Variants in CPAMD8 observed in about 807,000 individuals in gnomAD.
CPAMD8 encodes the protein C3 and PZP like alpha-2-macroglobulin domain containing 8, also known as C3 and PZP-like alpha-2-macroglobulin domain-containing protein 8.
In CPAMD8, 146 loss-of-function variants were observed where a neutral mutation model predicts 224.7. That is an observed-to-expected ratio of 0.65 (90% CI 0.57 to 0.75). The LOEUF (loss-of-function observed/expected upper bound fraction) is 0.75. Ranked by LOEUF, CPAMD8 falls within the 30% of genes least tolerant of loss-of-function variation. The pLI is 0.00. For synonymous variants in CPAMD8, 966 were observed against 1,044.6 expected, an observed-to-expected ratio of 0.92 and a Z score of 1.45; for missense variants, 2,301 against 2,537.5, an observed-to-expected ratio of 0.91 and a Z score of 2.00.
At position 16,903,636 on chromosome 19, in the gene CPAMD8, G is replaced by A. The variant is rs1385961748; in HGVS notation, c.4408-13C>T. The A allele has an allele frequency of 2.9e-5, 47 of 1,613,998 alleles. No individual in the cohort carries two copies. The highest frequency in any genetic ancestry group is 1.2e-4 in the Admixed American group (7 of 60,000). ...GGAGGCTGGGGATCTGGAGACAGAA[G>A]TCACCGTGAGGCCCTGCTGACCCCT... is the stretch of plus-strand genomic sequence containing the variant. On this transcript the variant is annotated splice_polypyrimidine_tract_variant and intron_variant, in intron 33 of 41. Transcript: ENST00000443236.
At chr19:17,001,057 T>C (rs11669570) in intron 9 of CPAMD8, among the ~76,000 whole-genome samples, 26,495 of 151,814 alleles carry the variant, frequency 0.17, 2,455 homozygotes, top group African/African-American at 0.24. Context: ...CATGGTGGCT[T>C]ATGCCTGTAA....
intron 3 of CPAMD8, among the ~76,000 whole-genome samples, chr19:17,013,162 CAA>C (rs2056709274): frequency 1.3e-5 from 2 of 151,516 alleles, no homozygotes; most frequent in African/African-American, 4.9e-5. Flanking sequence ...ACCTGGGTGA[CAA>C]GAGTGAAACT....
At chr19:17,010,985 T>C (rs924682909) in intron 5 of CPAMD8, among the ~76,000 whole-genome samples, 1 of 151,132 alleles carries the variant, frequency 6.6e-6, no homozygotes, top group Admixed American at 6.6e-5. Flanking sequence ...ATCGCACCAC[T>C]GCACTTCAGC....
chr19:16,987,170 AAAAAAAAAAATAT>A (rs1425157216), intron 13 of CPAMD8, among the ~76,000 whole-genome samples: 4 of 104,766 alleles, frequency 3.8e-5, no homozygotes, highest in African/African-American at 1.7e-4. Context: ...AAAAAAAAAA[AAAAAAAAAAATAT>A]ATATATATAT....
At chr19:17,022,568 G>A (rs898135943) in intron 1 of CPAMD8, among the ~76,000 whole-genome samples, 10 of 150,794 alleles carry the variant, frequency 6.6e-5, no homozygotes, top group Admixed American at 6.0e-4. Flanking sequence ...GCATGATCTC[G>A]GCTCACTACA....
At chr19:16,964,679 C>CA (rs2054767486) in intron 18 of CPAMD8, among the ~76,000 whole-genome samples, 3 of 152,186 alleles carry the variant, frequency 2.0e-5, no homozygotes, top group Non-Finnish European at 4.4e-5. Context: ...TCCTCCCTAA[C>CA]TCATTTTATG....
intron 30 of CPAMD8, among the ~76,000 whole-genome samples, chr19:16,906,410 C>CT (rs1391335340): frequency 4.0e-5 from 3 of 74,316 alleles, no homozygotes; most frequent in African/African-American, 1.6e-4. Flanking sequence ...TTCTTTCTTT[C>CT]CTTCCTTCCT....
chr19:17,009,318 C>T lies in CPAMD8; in HGVS notation c.489G>A (p.Leu163=). The T allele has an allele frequency of 6.2e-7, 1 of 1,614,116 alleles. No individual in the cohort carries two copies. Among genetic ancestry groups the T allele is most frequent in the Non-Finnish European group, 8.5e-7 (1 of 1,179,990 alleles). ...SPNLRPVNEK[L]EAYILDPRGS... is the part of the protein sequence containing the mutation. ...GGCCACTCACCAGGATGTAGGCTTC[C>T]AGCTGTAATGAAGACACAGATGCAG... The change falls in exon 6 of 42, where the codon CTG becomes CTA. Residue 163 remains leucine, a splice_region_variant and synonymous_variant. Coordinates refer to ENST00000443236, the MANE Select transcript of CPAMD8 (RefSeq NM_015692.5).
rs1010769787 is a variant in CPAMD8 at position 16,990,885 on chromosome 19, A to G, written c.1267-1114T>C. On this transcript the variant is annotated intron_variant, in intron 12 of 41. Transcript: ENST00000443236. ...TCTCAAAAAAAAAAAAAAAAAAAAA[A>G]AAAAAAAGTTGGCCTGCCTCTGTCT... 3.3e-5 allele frequency among the ~76,000 whole-genome samples: 4 copies of G among 119,740 alleles called. 1 individual carries two copies. Among genetic ancestry groups the G allele is most frequent in the African/African-American group, 5.8e-5 (2 of 34,280 alleles). 78.6% of individuals were successfully genotyped at this position (119,740 alleles called of 152,430 possible).
In CPAMD8 at chr19:16,929,080, C is replaced by CA. The variant is rs1568487061; in HGVS notation, c.3005dup (p.His1005AlafsTer30). On this transcript the variant is annotated frameshift_variant, in exon 24 of 42. Transcript: ENST00000443236. LOFTEE classifies it high-confidence loss of function. The stretch of plus-strand genomic sequence containing the variant: ...ATGACCTGGTGTTCTGATGCCCCCC[C>CA]AGGACGATCTCGATCATGCCTGCTG... The CA allele has an allele frequency of 6.2e-7, 1 of 1,614,164 alleles. No homozygotes were observed. The highest frequency in any genetic ancestry group is 2.2e-5 in the East Asian group (1 of 44,890).
intron 34 of CPAMD8, 59 bp from the exon 35 acceptor site, chr19:16,902,922 G>T: frequency 9.0e-7 from 1 of 1,105,170 alleles, no homozygotes; most frequent in Non-Finnish European, 1.3e-6. Flanking sequence ...CAGGTGCAGG[G>T]TAGGGGAGGA....
intron 34 of CPAMD8, 62 bp downstream of exon 34, chr19:16,903,499 T>A (rs185936874): frequency 6.2e-7 from 1 of 1,608,960 alleles, no homozygotes; most frequent in East Asian, 2.2e-5. Flanking sequence ...CACTGTGTGA[T>A]TGGAGGGAAT....
At position 16,947,113 on chromosome 19, in the gene CPAMD8, C is replaced by A. The variant is rs199613595; in HGVS notation, c.2623G>T (p.Val875Phe). ...APGEAEPIWVVLSFSDLGLNN... is the reference protein window; with the variant it reads ...APGEAEPIWVFLSFSDLGLNN... Reference sequence around the variant, plus strand: ...AGTCCCAGGTCGCTGAAGGACAGAACGACCCAGATGGGCTCAGCCTCCCCG... The same window carrying A: ...AGTCCCAGGTCGCTGAAGGACAGAAAGACCCAGATGGGCTCAGCCTCCCCG... Residue 875 changes from valine to phenylalanine, a missense_variant, in exon 21 of 42, where the codon GTT becomes TTT. Around this residue, in one of 4 missense-constraint regions of CPAMD8, gnomAD observed 1,709 missense variants for 1,753.2 expected, o/e 0.97. Coordinates refer to ENST00000443236, the MANE Select transcript of CPAMD8 (RefSeq NM_015692.5). The A allele has an allele frequency of 6.2e-7, 1 of 1,613,198 alleles. No homozygotes were observed. Among genetic ancestry groups the A allele is most frequent in the Non-Finnish European group, 8.5e-7 (1 of 1,179,504 alleles).
In CPAMD8 at chr19:16,904,303, C is replaced by A; in HGVS notation, c.4174G>T (p.Asp1392Tyr). 6.2e-7 allele frequency: 1 copy of A among 1,613,778 alleles called. No individual in the cohort carries two copies. Among genetic ancestry groups the A allele is most frequent in the Non-Finnish European group, 8.5e-7 (1 of 1,180,040 alleles). Residue 1392 changes from aspartate (D) to tyrosine (Y), a missense_variant, in exon 32 of 42, where the codon GAC (aspartate) becomes TAC (tyrosine). This residue lies in a region of CPAMD8 where 1,709 missense variants were observed against 1,753.2 expected (regional missense o/e 0.97). Coordinates refer to ENST00000443236, the MANE Select transcript of CPAMD8 (RefSeq NM_015692.5). The stretch of plus-strand genomic sequence containing the variant: ...ACCACAGGCAGGGCGGCAGCCACGT[C>A]ACCCAGCAGAGTGTAGGTCAGAAGG... ...YALLTYTLLG[D>Y]VAAALPVVKW...
At chr19:17,006,270 T>C (rs2056489554) in intron 7 of CPAMD8, among the ~76,000 whole-genome samples, 2 of 151,928 alleles carry the variant, frequency 1.3e-5, no homozygotes, top group Admixed American at 1.3e-4. Context: ...CCTCAAAGGG[T>C]TTTTTTAAAC....
intron 27 of CPAMD8, among the ~76,000 whole-genome samples, chr19:16,919,681 C>T (rs931439734): frequency 1.3e-5 from 2 of 152,250 alleles, no homozygotes; most frequent in Non-Finnish European, 2.9e-5. Context: ...GGGTCTTTCT[C>T]CTGCACTGGG....
intron 1 of CPAMD8, among the ~76,000 whole-genome samples, chr19:17,023,307 G>A (rs561059364): frequency 6.6e-6 from 1 of 152,122 alleles, no homozygotes; most frequent in African/African-American, 2.4e-5. Flanking sequence ...GTGCCCTTAG[G>A]GGACCTGACC....
At chr19:16,951,854 G>T in intron 20 of CPAMD8, 115 bp downstream of exon 20, 1 of 687,102 alleles carries the variant, frequency 1.5e-6, no homozygotes, top group South Asian at 1.8e-5. Context: ...AGAGGCTCTC[G>T]CCCTCCTAAA....
intron 13 of CPAMD8, among the ~76,000 whole-genome samples, chr19:16,987,190 ATATATATATATATATATATG>A (rs1413812425): frequency 6.7e-4 from 80 of 118,690 alleles, no homozygotes; most frequent in African/African-American, 2.7e-3. Flanking sequence ...ATATATATAT[ATATATATATATATATATATG>A]TATATGTGGG....
Sources: gnomAD v4.1 joint callset for allele counts (sites outside exome capture counted in the v4.1 genomes callset) on GRCh38, gnomAD v4.1.1 for gene constraint, gnomAD v4.1.1 regional missense constraint, MANE v1.5 for transcripts, NCBI Gene and HGNC (gene_info 2026-07-23, HGNC 2026-07-21) for gene names.